Variants in NELL1 observed in about 807,000 individuals in gnomAD.
NELL1 encodes protein kinase C-binding protein NELL1.
NELL1 carries 76 observed loss-of-function variants against 107.4 expected under a neutral mutation model. The ratio of observed to expected loss-of-function variants is 0.71; its 90% confidence interval spans 0.59 to 0.86. The LOEUF (loss-of-function observed/expected upper bound fraction) is 0.86, where lower values mean the gene tolerates loss of function less well. NELL1 is among the 40% of genes least tolerant of loss of function. The probability of loss-of-function intolerance (pLI) is 0.00; values close to 1 mark genes in which losing one functional copy is unlikely to be tolerated. For missense variants in NELL1, 1,024 were observed against 1,005.5 expected (o/e 1.02, Z -0.25); for synonymous variants, 353 against 341.2 (o/e 1.03, Z -0.38).
intron 12 of NELL1, among the ~76,000 whole-genome samples, chr11:21,021,183 T>C (rs1852692547): frequency 1.3e-5 from 2 of 151,702 alleles, no homozygotes. Flanking sequence ...TTGAGATAAA[T>C]ATGAGTTTAC....
At chr11:20,842,367 C>T (rs1392642786) in intron 3 of NELL1, among the ~76,000 whole-genome samples, 4 of 140,306 alleles carry the variant, frequency 2.9e-5, no homozygotes, top group Non-Finnish European at 6.1e-5. Context: ...AGTGAGACTC[C>T]GTTTAAAAAA....
intron 3 of NELL1, among the ~76,000 whole-genome samples, chr11:20,829,156 A>G (rs1857949166): frequency 6.6e-6 from 1 of 152,106 alleles, no homozygotes; most frequent in Non-Finnish European, 1.5e-5. Flanking sequence ...AGTTTCCTCT[A>G]ATATTAACAT....
intron 14 of NELL1, among the ~76,000 whole-genome samples, chr11:21,329,081 G>A (rs2133682126): frequency 6.6e-6 from 1 of 152,234 alleles, no homozygotes; most frequent in South Asian, 2.1e-4. Context: ...TACAAAACAT[G>A]AGAACTTGAG....
intron 15 of NELL1, among the ~76,000 whole-genome samples, chr11:21,512,768 A>G (rs1054881158): frequency 6.6e-6 from 1 of 152,150 alleles, no homozygotes; most frequent in Admixed American, 6.5e-5. Flanking sequence ...AGATCTATAA[A>G]ATGCCATCCC....
At chr11:21,059,690 A>G (rs1004864887) in intron 12 of NELL1, among the ~76,000 whole-genome samples, 5 of 152,144 alleles carry the variant, frequency 3.3e-5, no homozygotes, top group African/African-American at 9.7e-5. Flanking sequence ...CATCTCTTCT[A>G]TGCCCTATAG....
At chr11:21,411,241 G>T (rs1286105319) in intron 15 of NELL1, among the ~76,000 whole-genome samples, 1 of 152,052 alleles carries the variant, frequency 6.6e-6, no homozygotes, top group Non-Finnish European at 1.5e-5. Flanking sequence ...AAAAGGAAGT[G>T]TTGGAATCCT....
chr11:20,762,469 C>A (rs1228630069), intron 2 of NELL1, among the ~76,000 whole-genome samples: 1 of 152,164 alleles, frequency 6.6e-6, no homozygotes, highest in South Asian at 2.1e-4. Context: ...AGCTTCAAAT[C>A]ATAATTAGGG....
chr11:21,018,511 G>T (rs1424778763), intron 12 of NELL1, among the ~76,000 whole-genome samples: 2 of 152,056 alleles, frequency 1.3e-5, no homozygotes, highest in Non-Finnish European at 2.9e-5. Context: ...GTTTGGTTTT[G>T]ATCATCCTGA....
intron 12 of NELL1, among the ~76,000 whole-genome samples, chr11:21,107,336 T>C (rs1164689044): frequency 8.0e-5 from 12 of 150,200 alleles, no homozygotes; most frequent in Admixed American, 5.3e-4. Flanking sequence ...TAAAAAAAAA[T>C]CAGTATGACA....
Position 20,783,833 on chromosome 11 carries a change from A to G in NELL1, c.335+3A>G. On this transcript the variant is annotated splice_donor_region_variant and intron_variant, in intron 3 of 19. Transcript: ENST00000357134. Reference sequence around the variant, plus strand: ...TCCATTCGAGAACTGGAGCACAGGTAAGAAAGCTCTTTCTGCTTTTGAAAA... The same window carrying G: ...TCCATTCGAGAACTGGAGCACAGGTGAGAAAGCTCTTTCTGCTTTTGAAAA... 1 of 1,606,378 alleles carries G rather than the reference A, an allele frequency of 6.2e-7. No homozygotes were observed.
intron 12 of NELL1, among the ~76,000 whole-genome samples, chr11:20,984,814 G>A (rs1015687824): frequency 6.6e-6 from 1 of 151,772 alleles, no homozygotes; most frequent in African/African-American, 2.4e-5. Context: ...TTATTTTGAA[G>A]GTACATTAAC....
Position 21,449,636 on chromosome 11 carries a change from A to G in NELL1, c.1645+78688A>G, listed in dbSNP as rs561851253. 1.1e-4 allele frequency among the ~76,000 whole-genome samples: 16 copies of G among 152,334 alleles called. No individual in the cohort carries two copies. The South Asian group carries it at 3.3e-3, about 32-fold the overall frequency. On this transcript the variant is annotated intron_variant, in intron 15 of 19. Transcript: ENST00000357134. ...AGAAATGTTTGACCAATCCACAATCATGATGAGTTTCTCCAGTGTTTTGCC... is the reference window on the plus strand; with the variant it reads ...AGAAATGTTTGACCAATCCACAATCGTGATGAGTTTCTCCAGTGTTTTGCC...
At chr11:21,340,774 T>G (rs1850546373) in intron 14 of NELL1, among the ~76,000 whole-genome samples, 1 of 152,074 alleles carries the variant, frequency 6.6e-6, no homozygotes, top group South Asian at 2.1e-4. Flanking sequence ...ATGGGAGAGA[T>G]GCATGAAAAT....
At chr11:21,458,804 T>A (rs1853819034) in intron 15 of NELL1, among the ~76,000 whole-genome samples, 1 of 152,042 alleles carries the variant, frequency 6.6e-6, no homozygotes, top group African/African-American at 2.4e-5. Flanking sequence ...CCTAAATGAA[T>A]GAAGAAATGG....
intron 14 of NELL1, among the ~76,000 whole-genome samples, chr11:21,357,747 G>A (rs974921013): frequency 6.6e-6 from 1 of 152,094 alleles, no homozygotes; most frequent in African/African-American, 2.4e-5. Flanking sequence ...GAGTTTTACT[G>A]ATGTTATCTT....
chr11:21,004,940 T>C (rs1452387642), intron 12 of NELL1, among the ~76,000 whole-genome samples: 1 of 152,180 alleles, frequency 6.6e-6, no homozygotes, highest in Non-Finnish European at 1.5e-5. Context: ...TATACCTGTC[T>C]TTTGGAAGCA....
intron 12 of NELL1, among the ~76,000 whole-genome samples, chr11:21,032,482 G>A (rs974953087): frequency 4.6e-5 from 7 of 152,048 alleles, no homozygotes; most frequent in Non-Finnish European, 7.4e-5. Flanking sequence ...TCCACCTCCC[G>A]GGTTCAACTG....
intron 12 of NELL1, among the ~76,000 whole-genome samples, chr11:21,000,580 C>T (rs1193928982): frequency 6.6e-6 from 1 of 152,166 alleles, no homozygotes; most frequent in Non-Finnish European, 1.5e-5. Flanking sequence ...CATGATTTTC[C>T]TGAAGTGAGG....
chr11:21,260,361 T>C (rs1320158063), intron 14 of NELL1: 2 of 151,922 alleles, frequency 1.3e-5, no homozygotes, highest in Non-Finnish European at 2.9e-5. Flanking sequence ...ACTGCTTTTA[T>C]ATCAACAGAA....
Sources: gnomAD v4.1 joint callset for allele counts (sites outside exome capture counted in the v4.1 genomes callset) on GRCh38, gnomAD v4.1.1 for gene constraint, MANE v1.5 for transcripts, NCBI Gene and HGNC (gene_info 2026-07-23, HGNC 2026-07-21) for gene names.